Variants in BMPR1B observed in about 807,000 individuals in gnomAD.
The protein encoded by BMPR1B is bone morphogenetic protein receptor type-1B.
Under a neutral mutation model 59.1 loss-of-function variants are expected in BMPR1B, and 12 were observed. The ratio of observed to expected loss-of-function variants is 0.20; its 90% CI spans 0.13 to 0.33. BMPR1B has a LOEUF of 0.33. Among genes scored for constraint, BMPR1B ranks in the 10% least tolerant of loss-of-function variants. BMPR1B has a pLI of 1.00. For synonymous variants in BMPR1B, 237 were observed against 207.3 expected, an observed-to-expected ratio of 1.14 and a Z score of -1.23; for missense variants, 550 against 610.9, an observed-to-expected ratio of 0.90 and a Z score of 1.05.
chr4:94,834,468 C>T (rs1246132072), intron 1 of BMPR1B, among the ~76,000 whole-genome samples: 1 of 151,928 alleles, frequency 6.6e-6, no homozygotes. Context: ...TCTTTTTCCT[C>T]TCCACCTCCC....
chr4:94,856,149 T>A (rs1407784097), intron 1 of BMPR1B, among the ~76,000 whole-genome samples: 1 of 152,178 alleles, frequency 6.6e-6, no homozygotes, highest in Non-Finnish European at 1.5e-5. Flanking sequence ...AACCCAGCTA[T>A]CCAAAGTAAG....
At position 94,933,289 on chromosome 4, in the gene BMPR1B, T is replaced by A. The variant is rs367872427; in HGVS notation, c.-113+57389T>A. On this transcript the variant is annotated intron_variant, in intron 2 of 12. Transcript: ENST00000515059. ...GACTTCTTATTCCATTATATCATAG[T>A]TTATTTAACTTTTTCCTTATTGTTG... 2.2e-4 allele frequency among the ~76,000 whole-genome samples: 34 copies of A among 152,186 alleles called. No individual in the cohort carries two copies. In the East Asian group the frequency reaches 6.0e-3, roughly 27 times the overall value.
At chr4:94,858,606 G>A (rs536004789) in intron 1 of BMPR1B, among the ~76,000 whole-genome samples, 2 of 151,998 alleles carry the variant, frequency 1.3e-5, no homozygotes, top group South Asian at 4.1e-4. Context: ...AAAATGGAAA[G>A]AGTTATCTTG....
rs1185420073 is a variant in BMPR1B, at chr4:94,838,887, G to T, written c.-182-36944G>T. 4.3e-5 allele frequency among the ~76,000 whole-genome samples: 6 copies of T among 140,172 alleles called. 1 individual carries two copies. The highest frequency in any genetic ancestry group is 7.8e-5 in the Non-Finnish European group (5 of 63,838). The allele number at this position is 140,172 out of a possible 152,430, so 92.0% of individuals were successfully genotyped here. A position where few individuals can be genotyped will look rare whatever the true frequency, so the allele number is the denominator to read the frequency against. On this transcript the variant is annotated intron_variant, in intron 1 of 12. Coordinates refer to ENST00000515059, the MANE Select transcript of BMPR1B (RefSeq NM_001203.3). ...TTTTGGATCTTTCCTGCTTTCTCTT[G>T]TGGGCATTTAGTGCTATAAATTTCT...
At chr4:94,992,684 C>G (rs1287564280) in intron 2 of BMPR1B, among the ~76,000 whole-genome samples, 4 of 152,190 alleles carry the variant, frequency 2.6e-5, no homozygotes, top group Admixed American at 2.0e-4. Context: ...AAGCCTCCCT[C>G]TTTGTGTTTT....
chr4:94,812,487 C>T (rs1320385279), intron 1 of BMPR1B, among the ~76,000 whole-genome samples: 1 of 152,146 alleles, frequency 6.6e-6, no homozygotes, highest in Non-Finnish European at 1.5e-5. Flanking sequence ...GTGCACCTGT[C>T]CCAGTTGATC....
chr4:94,865,567 A>T (rs1399314924), intron 1 of BMPR1B, among the ~76,000 whole-genome samples: 1 of 151,290 alleles, frequency 6.6e-6, no homozygotes, highest in Non-Finnish European at 1.5e-5. Flanking sequence ...ATTTTTTTTA[A>T]TTTTTAGTAG....
chr4:94,805,421 A>G (rs1723569894), intron 1 of BMPR1B, among the ~76,000 whole-genome samples: 1 of 152,172 alleles, frequency 6.6e-6, no homozygotes. Flanking sequence ...GTGTATTTGC[A>G]AAATTTATAA....
intron 1 of BMPR1B, among the ~76,000 whole-genome samples, chr4:94,827,913 T>A (rs1330738594): frequency 6.6e-6 from 1 of 152,198 alleles, no homozygotes; most frequent in Non-Finnish European, 1.5e-5. Context: ...CCTAGTTCCA[T>A]AATTGGTGAC....
At chr4:95,114,849 C>T (rs760193561) in intron 5 of BMPR1B, 27 bp downstream of exon 5, 2 of 1,549,674 alleles carry the variant, frequency 1.3e-6, no homozygotes, top group Admixed American at 1.7e-5. Context: ...GATTCTGTAA[C>T]CTTTCATTGG....
intron 2 of BMPR1B, among the ~76,000 whole-genome samples, chr4:94,882,382 G>T (rs115929227): frequency 6.6e-6 from 1 of 152,174 alleles, no homozygotes; most frequent in Admixed American, 6.5e-5. Flanking sequence ...TTTTCTCTTC[G>T]TCAAAGTTTA....
chr4:95,032,833 G>A (rs745530227), intron 3 of BMPR1B, among the ~76,000 whole-genome samples: 43 of 152,134 alleles, frequency 2.8e-4, no homozygotes, highest in Non-Finnish European at 5.0e-4. Flanking sequence ...TAATGCTGCT[G>A]TGAACATGGG....
At chr4:95,051,141 T>G (rs914389133) in intron 3 of BMPR1B, among the ~76,000 whole-genome samples, 2 of 152,244 alleles carry the variant, frequency 1.3e-5, no homozygotes, top group African/African-American at 2.4e-5. Context: ...ATTATTTATC[T>G]GGTGACGTAG....
At chr4:94,993,851 A>G (rs954550914) in intron 2 of BMPR1B, among the ~76,000 whole-genome samples, 25 of 151,864 alleles carry the variant, frequency 1.6e-4, no homozygotes, top group African/African-American at 5.6e-4. Flanking sequence ...AGGCAGCGAG[A>G]TGGAAATAAA....
intron 1 of BMPR1B, among the ~76,000 whole-genome samples, chr4:94,762,104 A>AATGTATAATTATACATCAGGATAATGT (rs1721795936): frequency 6.6e-6 from 1 of 152,204 alleles, no homozygotes. Context: ...TACATCAGGC[A>AATGTATAATTATACATCAGGATAATGT]ATAATTTGTT....
intron 2 of BMPR1B, among the ~76,000 whole-genome samples, chr4:94,948,316 A>G (rs192225779): frequency 6.6e-6 from 1 of 152,320 alleles, no homozygotes; most frequent in Admixed American, 6.5e-5. Flanking sequence ...CATGTTCAGA[A>G]GCATGAAGAG....
chr4:94,916,191 G>A (rs188654268), intron 2 of BMPR1B, among the ~76,000 whole-genome samples: 1 of 152,194 alleles, frequency 6.6e-6, no homozygotes, highest in Non-Finnish European at 1.5e-5. Context: ...GTACTGAGGA[G>A]TTAGGCATTA....
chr4:95,147,435 C>A (rs552112182), intron 10 of BMPR1B, among the ~76,000 whole-genome samples: 1 of 152,006 alleles, frequency 6.6e-6, no homozygotes, highest in Non-Finnish European at 1.5e-5. Flanking sequence ...TTTCCTGAAG[C>A]CACTAGTGTT....
At chr4:94,845,153 C>T (rs1466696129) in intron 1 of BMPR1B, among the ~76,000 whole-genome samples, 1 of 151,714 alleles carries the variant, frequency 6.6e-6, no homozygotes, top group Non-Finnish European at 1.5e-5. Context: ...TGAAATATTT[C>T]GTAGAGGTTT....
Sources: allele counts gnomAD v4.1 joint callset (sites outside exome capture counted in the v4.1 genomes callset), GRCh38; gene constraint gnomAD v4.1.1; transcripts MANE v1.5; gene names NCBI Gene and HGNC (gene_info 2026-07-23, HGNC 2026-07-21).